FOXP1: variants seen among roughly 807,000 people sequenced by gnomAD.
FOXP1 encodes forkhead box P1.
A neutral mutation model predicts 98.2 loss-of-function variants in FOXP1; 15 were observed. The observed-to-expected ratio is 0.15, with a 90% CI of 0.10 to 0.24. The LOEUF (loss-of-function observed/expected upper bound fraction) is 0.24. FOXP1 is among the 10% of genes least tolerant of loss of function. FOXP1 has a pLI of 1.00. For missense variants in FOXP1, 633 were observed against 848.5 expected (o/e 0.75, Z 3.15); for synonymous variants, 371 against 314.5 (o/e 1.18, Z -1.90).
intron 9 of FOXP1, among the ~76,000 whole-genome samples, 187 bp from the exon 10 acceptor site, chr3:71,047,282 G>A (rs922436815): frequency 6.6e-6 from 1 of 152,134 alleles, no homozygotes; most frequent in Non-Finnish European, 1.5e-5. Flanking sequence ...GGAGATGAGC[G>A]TGTTATCTTT....
At chr3:71,094,465 T>C (rs2056262020) in intron 7 of FOXP1, among the ~76,000 whole-genome samples, 1 of 152,040 alleles carries the variant, frequency 6.6e-6, no homozygotes, top group Non-Finnish European at 1.5e-5. Context: ...TCATGTTTCA[T>C]GAAATATTAT....
chr3:71,062,785 A>G (rs1241721444), intron 7 of FOXP1, among the ~76,000 whole-genome samples: 1 of 152,238 alleles, frequency 6.6e-6, no homozygotes. Context: ...GTGAATATAA[A>G]GCCCATTACT....
At chr3:71,318,988 C>CA in intron 4 of FOXP1, among the ~76,000 whole-genome samples, 1 of 152,138 alleles carries the variant, frequency 6.6e-6, no homozygotes. Flanking sequence ...CATTCATAAA[C>CA]AGAATAGAAT....
At chr3:71,223,972 G>C (rs995513009) in intron 5 of FOXP1, among the ~76,000 whole-genome samples, 1 of 152,152 alleles carries the variant, frequency 6.6e-6, no homozygotes, top group African/African-American at 2.4e-5. Context: ...TCCCTAGTAT[G>C]GCAGCTGGTC....
intron 5 of FOXP1, among the ~76,000 whole-genome samples, chr3:71,284,716 T>C (rs2071927148): frequency 6.6e-6 from 1 of 152,070 alleles, no homozygotes; most frequent in South Asian, 2.1e-4. Context: ...CCAGATGTCT[T>C]TAAGAACACT....
At chr3:71,510,562 G>C (rs1164893770) in intron 2 of FOXP1, among the ~76,000 whole-genome samples, 1 of 152,154 alleles carries the variant, frequency 6.6e-6, no homozygotes, top group Non-Finnish European at 1.5e-5. Context: ...AAGCACACAG[G>C]TGCAGCACAA....
rs575776448 is a variant in FOXP1, at chr3:71,380,948, G to A, written c.-167-21704C>T. On this transcript the variant is annotated intron_variant, in intron 3 of 20. Coordinates refer to ENST00000649528, the MANE Select transcript of FOXP1 (RefSeq NM_001349338.3). Reference sequence around the variant, plus strand: ...TGTTTTTAAAACATGCTAGTAAAACGTAAAACTTACCATATCTGGAAAAAA... The same window carrying A: ...TGTTTTTAAAACATGCTAGTAAAACATAAAACTTACCATATCTGGAAAAAA... Among the ~76,000 whole-genome samples, 4 of 151,992 alleles carry A rather than the reference G, an allele frequency of 2.6e-5. No homozygotes were observed. In the South Asian group the frequency reaches 8.3e-4, roughly 32 times the overall value.
intron 7 of FOXP1, among the ~76,000 whole-genome samples, chr3:71,091,444 C>T (rs956750614): frequency 1.3e-5 from 2 of 151,878 alleles, no homozygotes; most frequent in African/African-American, 4.8e-5. Flanking sequence ...GAGCCGAGAT[C>T]GCACCACTGC....
chr3:70,991,631 C>T (rs1342286064), intron 13 of FOXP1, among the ~76,000 whole-genome samples: 1 of 152,122 alleles, frequency 6.6e-6, no homozygotes, highest in African/African-American at 2.4e-5. Context: ...AAATGAAGGG[C>T]TTTGTATGTG....
intron 7 of FOXP1, among the ~76,000 whole-genome samples, chr3:71,075,238 T>TA (rs2053675960): frequency 1.3e-5 from 2 of 152,172 alleles, no homozygotes; most frequent in Admixed American, 1.3e-4. Flanking sequence ...TCCTCATCTA[T>TA]AAAAAAGAAC....
chr3:71,497,326 C>G (rs2091489610), intron 2 of FOXP1, among the ~76,000 whole-genome samples: 1 of 152,032 alleles, frequency 6.6e-6, no homozygotes, highest in Non-Finnish European at 1.5e-5. Flanking sequence ...TACTTCAGAC[C>G]AAAAAGAAAC....
intron 5 of FOXP1, among the ~76,000 whole-genome samples, chr3:71,225,866 G>A (rs966499586): frequency 9.9e-5 from 15 of 152,198 alleles, no homozygotes; most frequent in African/African-American, 3.4e-4. Flanking sequence ...GAGGAAGAAC[G>A]GGTGCAGCAA....
chr3:71,082,134 C>G (rs964296964), intron 7 of FOXP1, among the ~76,000 whole-genome samples: 1 of 152,076 alleles, frequency 6.6e-6, no homozygotes. Context: ...CAAAAATGAG[C>G]TGGGCGTGGT....
intron 3 of FOXP1, among the ~76,000 whole-genome samples, chr3:71,371,002 C>T (rs1335382437): frequency 6.6e-6 from 1 of 152,062 alleles, no homozygotes. Flanking sequence ...GTCTCGAACT[C>T]CTGACCTCAG....
At chr3:71,255,711 G>A (rs1043423127) in intron 5 of FOXP1, among the ~76,000 whole-genome samples, 10 of 152,142 alleles carry the variant, frequency 6.6e-5, no homozygotes, top group African/African-American at 2.4e-4. Flanking sequence ...CGATTATGAT[G>A]AGTAATCCTT....
chr3:71,357,334 T>C (rs1355055913), intron 4 of FOXP1, among the ~76,000 whole-genome samples: 2 of 152,376 alleles, frequency 1.3e-5, no homozygotes, highest in East Asian at 1.9e-4. Flanking sequence ...AGTAAGAATA[T>C]TGTGGTCTTA....
chr3:71,130,518 C>A, intron 6 of FOXP1: 1 of 1,598,340 alleles, frequency 6.3e-7, no homozygotes, highest in African/African-American at 1.3e-5. Context: ...AAGAGTTTGG[C>A]GAAGGGAGCC....
At chr3:70,973,744 T>C (rs985337713) in intron 17 of FOXP1, among the ~76,000 whole-genome samples, 3 of 151,686 alleles carry the variant, frequency 2.0e-5, no homozygotes, top group African/African-American at 7.3e-5. Context: ...GTGACTCAAT[T>C]GGGGCTTGAG....
At chr3:71,210,842 C>G (rs2064401315) in intron 5 of FOXP1, 2 of 152,214 alleles carry the variant, frequency 1.3e-5, no homozygotes, top group South Asian at 4.1e-4. Context: ...GGAGAAAATG[C>G]TGATGATTCA....
Sources: allele counts gnomAD v4.1 joint callset (sites outside exome capture counted in the v4.1 genomes callset), GRCh38; gene constraint gnomAD v4.1.1; transcripts MANE v1.5; gene names NCBI Gene and HGNC (gene_info 2026-07-23, HGNC 2026-07-21).